VGLL3: variants seen among roughly 807,000 people sequenced by gnomAD.
VGLL3 encodes transcription cofactor vestigial-like protein 3.
In VGLL3, 18 loss-of-function variants were observed where a neutral mutation model predicts 29.2. The observed-to-expected ratio is 0.62, with a 90% CI of 0.43 to 0.91. The LOEUF (loss-of-function observed/expected upper bound fraction) is 0.91. VGLL3 is among the 40% of genes least tolerant of loss of function. VGLL3 has a pLI of 0.00. For missense variants in VGLL3, 440 were observed against 413.2 expected, an observed-to-expected ratio of 1.06 and a Z score of -0.56; for synonymous variants, 180 against 151.8, an observed-to-expected ratio of 1.19 and a Z score of -1.36.
chr3:86,961,895 T>A, intron 3 of VGLL3: 5 of 967,094 alleles, frequency 5.2e-6, no homozygotes, highest in Non-Finnish European at 6.1e-6. Flanking sequence ...TGAAACAATC[T>A]CCTGCTAAAC....
intron 1 of VGLL3, among the ~76,000 whole-genome samples, chr3:86,988,444 C>G (rs939831706): frequency 6.6e-6 from 1 of 151,194 alleles, no homozygotes; most frequent in Non-Finnish European, 1.5e-5. Context: ...CAATATTAGT[C>G]CCACTTCACC....
chr3:86,939,994 T>G lies in VGLL3; in HGVS notation c.*7030A>C, dbSNP rs1393011308. 6.6e-6 allele frequency: 1 copy of G among 152,186 alleles called. No homozygotes were observed. The highest frequency in any genetic ancestry group is 1.5e-5 in the Non-Finnish European group (1 of 68,034). 9.4% of individuals were successfully genotyped at this position (152,186 alleles called of 1,614,324 possible). A position where few individuals can be genotyped will look rare whatever the true frequency, so the allele number is the denominator to read the frequency against. ...TTTTAGGCCGTTATCGTTGTAGTAA[T>G]GTAGTAATATTTTACAGCAGTTCTA... On this transcript the variant is annotated 3_prime_UTR_variant, in exon 4 of 4. Transcript: ENST00000398399.
At position 86,941,507 on chromosome 3, in the gene VGLL3, T is replaced by C. The variant is rs1704397514; in HGVS notation, c.*5517A>G. 6.6e-6 allele frequency: 1 copy of C among 152,116 alleles called. No homozygotes were observed. The highest frequency in any genetic ancestry group is 6.6e-5 in the Admixed American group (1 of 15,246). 9.4% of individuals were successfully genotyped at this position (152,116 alleles called of 1,614,324 possible). ...CTTATCCTTTTCTAAAAGGTGTCTG[T>C]TTGCTTATACAATGGAATTGGTAAA... is the stretch of plus-strand genomic sequence containing the variant. On this transcript the variant is annotated 3_prime_UTR_variant, in exon 4 of 4. Transcript: ENST00000398399.
chr3:86,941,449 G>T lies in VGLL3; in HGVS notation c.*5575C>A, dbSNP rs1299576576. On this transcript the variant is annotated 3_prime_UTR_variant, in exon 4 of 4. Coordinates refer to ENST00000398399, the MANE Select transcript of VGLL3 (RefSeq NM_016206.4). ...TGCCAAATTTAGTAGTCTAGAAATT[G>T]TTTTTTTTTTTAAAAAAACAAATTG... is the stretch of plus-strand genomic sequence containing the variant. The T allele has an allele frequency of 2.7e-5, 4 of 147,268 alleles. No homozygotes were observed. Among genetic ancestry groups the T allele is most frequent in the Admixed American group, 6.8e-5 (1 of 14,614 alleles). 9.1% of individuals were successfully genotyped at this position (147,268 alleles called of 1,614,324 possible). A position where few individuals can be genotyped will look rare whatever the true frequency, so the allele number is the denominator to read the frequency against.
intron 1 of VGLL3, among the ~76,000 whole-genome samples, chr3:86,988,640 CAAAAAAAAAAAAAAAAAAAAAAAAAAA>C (rs869098443): frequency 2.7e-3 from 37 of 13,768 alleles, no homozygotes; most frequent in African/African-American, 3.6e-3. Context: ...TTTACTTGAC[CAAAAAAAAAAAAAAAAAAAAAAAAAAA>C]AAAAAAAAAA....
intron 3 of VGLL3, among the ~76,000 whole-genome samples, chr3:86,954,806 A>T (rs933687495): frequency 7.9e-5 from 12 of 152,152 alleles, no homozygotes; most frequent in Admixed American, 3.3e-4. Context: ...GAGACAAAGA[A>T]TAAAGGAAAG....
At chr3:86,980,798 C>G (rs1306162818) in intron 1 of VGLL3, among the ~76,000 whole-genome samples, 2 of 150,706 alleles carry the variant, frequency 1.3e-5, no homozygotes. Context: ...TGCACACACT[C>G]TCTGCTGAAT....
At chr3:86,988,620 A>G (rs899220683) in intron 1 of VGLL3, among the ~76,000 whole-genome samples, 4 of 124,606 alleles carry the variant, frequency 3.2e-5, no homozygotes, top group Non-Finnish European at 6.5e-5. Flanking sequence ...AGTTATGGTC[A>G]AACAGTTTCT....
chr3:86,979,358 A>C (rs1369043121), intron 1 of VGLL3, among the ~76,000 whole-genome samples: 1 of 152,200 alleles, frequency 6.6e-6, no homozygotes, highest in African/African-American at 2.4e-5. Context: ...AAATCAAACT[A>C]AAATGGCAAA....
chr3:86,969,204 T>C (rs1705037704), intron 2 of VGLL3, 81 bp from the exon 3 acceptor site: 2 of 1,444,940 alleles, frequency 1.4e-6, no homozygotes, highest in Admixed American at 2.3e-5. Flanking sequence ...TCCACTCTAA[T>C]TGTCCAATAA....
chr3:86,990,800 G>A lies in VGLL3; in HGVS notation c.-57C>T. On this transcript the variant is annotated 5_prime_UTR_variant, in exon 1 of 4. Coordinates refer to ENST00000398399, the MANE Select transcript of VGLL3 (RefSeq NM_016206.4). ...CCGCCGCCGCTCTACGCGCTGGCGC[G>A]AGGGGCGCGGGCGCCGCCGCCGCCG... The A allele has an allele frequency of 2.4e-6, 3 of 1,231,534 alleles. No individual in the cohort carries two copies. The highest frequency in any genetic ancestry group is 6.9e-5 in the East Asian group (2 of 29,118). 76.3% of individuals were successfully genotyped at this position (1,231,534 alleles called of 1,614,324 possible). A position where few individuals can be genotyped will look rare whatever the true frequency, so the allele number is the denominator to read the frequency against.
chr3:86,972,161 T>C (rs1705115292), intron 2 of VGLL3, among the ~76,000 whole-genome samples: 1 of 152,198 alleles, frequency 6.6e-6, no homozygotes, highest in South Asian at 2.1e-4. Flanking sequence ...AATCAATTAT[T>C]TATCAAAAAT....
chr3:86,990,676 A>G lies in VGLL3; in HGVS notation c.68T>C (p.Met23Thr). The G allele has an allele frequency of 3.0e-6, 4 of 1,348,962 alleles. No individual in the cohort carries two copies. The highest frequency in any genetic ancestry group is 6.4e-5 in the East Asian group (2 of 31,352). 83.6% of individuals were successfully genotyped at this position (1,348,962 alleles called of 1,614,324 possible). ...GGCTGTGGGGCAGGTTGTCGCTGCC[A>G]TGGGGTTGGGCAGATACTGGGACGC... ...YGASQYLPNP[M>T]AATTCPTAYY... is the part of the protein sequence containing the mutation. Residue 23 changes from methionine to threonine, a missense_variant, in exon 1 of 4, where the codon ATG becomes ACG. Transcript: ENST00000398399.
At chr3:86,985,638 G>C (rs915675432) in intron 1 of VGLL3, among the ~76,000 whole-genome samples, 2 of 152,166 alleles carry the variant, frequency 1.3e-5, no homozygotes, top group African/African-American at 4.8e-5. Context: ...TCCTAAATGA[G>C]TAGTCAGAGC....
chr3:86,941,732 C>A lies in VGLL3; in HGVS notation c.*5292G>T, dbSNP rs927970498. 1 of 151,710 alleles carries A rather than the reference C, an allele frequency of 6.6e-6. No individual in the cohort carries two copies. The allele number at this position is 151,710 out of a possible 1,614,324, so 9.4% of individuals were successfully genotyped here. ...AGTTGAGATACTTTAACAATAATGA[C>A]GATTTCTGTAGGTTGTAAAAGTGTA... On this transcript the variant is annotated 3_prime_UTR_variant, in exon 4 of 4. Coordinates refer to ENST00000398399, the MANE Select transcript of VGLL3 (RefSeq NM_016206.4).
intron 3 of VGLL3, among the ~76,000 whole-genome samples, chr3:86,965,187 T>C (rs2107006346): frequency 6.6e-6 from 1 of 151,698 alleles, no homozygotes. Flanking sequence ...AGAAAGCAAA[T>C]TTCATGTTTT....
rs1292032444 is a variant in VGLL3 at position 86,940,962 on chromosome 3, T to C, written c.*6062A>G. 6.6e-6 allele frequency: 1 copy of C among 152,432 alleles called. No homozygotes were observed. The allele number at this position is 152,432 out of a possible 1,614,324, so 9.4% of individuals were successfully genotyped here. A position where few individuals can be genotyped will look rare whatever the true frequency, so the allele number is the denominator to read the frequency against. On this transcript the variant is annotated 3_prime_UTR_variant, in exon 4 of 4. Coordinates refer to ENST00000398399, the MANE Select transcript of VGLL3 (RefSeq NM_016206.4). ...AACTAACAAGTCTGAAAGTTCATGG[T>C]ATTTCAATGCAGTAAAATAATATTT...
intron 3 of VGLL3, among the ~76,000 whole-genome samples, chr3:86,950,253 A>G (rs1181275408): frequency 6.6e-6 from 1 of 152,194 alleles, no homozygotes; most frequent in Non-Finnish European, 1.5e-5. Flanking sequence ...AAAGGAAAAA[A>G]AATCATAAAA....
In VGLL3 at chr3:86,941,331, A is replaced by G. The variant is rs1363013545; in HGVS notation, c.*5693T>C. Reference sequence around the variant, plus strand: ...ATAGAAAGAAATGTACATCTCTATTAATATAAAGTGATATCAATAGGAAAG... The same window carrying G: ...ATAGAAAGAAATGTACATCTCTATTGATATAAAGTGATATCAATAGGAAAG... On this transcript the variant is annotated 3_prime_UTR_variant, in exon 4 of 4. Transcript: ENST00000398399. The G allele has an allele frequency of 6.6e-6, 1 of 152,500 alleles. No homozygotes were observed. Among genetic ancestry groups the G allele is most frequent in the Non-Finnish European group, 1.5e-5 (1 of 67,954 alleles). 9.4% of individuals were successfully genotyped at this position (152,500 alleles called of 1,614,324 possible).
Sources: allele counts gnomAD v4.1 joint callset (sites outside exome capture counted in the v4.1 genomes callset), GRCh38; gene constraint gnomAD v4.1.1; transcripts MANE v1.5; gene names NCBI Gene and HGNC (gene_info 2026-07-23, HGNC 2026-07-21).